The following AKAP13 variants were observed in gnomAD, a reference collection of about 807,000 sequenced individuals.
AKAP13 encodes the protein A-kinase anchoring protein 13.
A neutral mutation model predicts 264.5 loss-of-function variants in AKAP13; 80 were observed. That is an observed-to-expected ratio of 0.30 (90% CI 0.25 to 0.36). The LOEUF (loss-of-function observed/expected upper bound fraction) is 0.36, where lower values mean the gene tolerates loss of function less well. AKAP13 is among the 10% of genes least tolerant of loss of function. AKAP13 has a pLI of 1.00. For missense variants in AKAP13, 3,712 were observed against 3,435.2 expected (o/e 1.08, Z -2.01); for synonymous variants, 1,380 against 1,250.2 (o/e 1.10, Z -2.19).
At chr15:85,548,094 A>T (rs1430578375) in intron 5 of AKAP13, among the ~76,000 whole-genome samples, 1 of 152,212 alleles carries the variant, frequency 6.6e-6, no homozygotes, top group Non-Finnish European at 1.5e-5. Context: ...TCTTACTCAC[A>T]CATCTCAAAG....
chr15:85,431,995 T>C (rs1178927969), intron 1 of AKAP13, among the ~76,000 whole-genome samples: 1 of 152,188 alleles, frequency 6.6e-6, no homozygotes, highest in Non-Finnish European at 1.5e-5. Flanking sequence ...ATGAAAAAGA[T>C]GCCTAATTTC....
intron 8 of AKAP13, among the ~76,000 whole-genome samples, chr15:85,606,149 T>C (rs1195643343): frequency 7.2e-6 from 1 of 139,514 alleles, no homozygotes; most frequent in African/African-American, 2.8e-5. Flanking sequence ...TCACCCAGGC[T>C]GGAGTGCAGT....
intron 33 of AKAP13, among the ~76,000 whole-genome samples, 157 bp from the exon 34 acceptor site, chr15:85,740,065 T>G (rs187024613): frequency 6.6e-6 from 1 of 152,340 alleles, no homozygotes; most frequent in East Asian, 1.9e-4. Flanking sequence ...GGTGCTCACT[T>G]AGTTTCTTTG....
At chr15:85,446,613 T>C (rs1490274051) in intron 1 of AKAP13, among the ~76,000 whole-genome samples, 1 of 152,114 alleles carries the variant, frequency 6.6e-6, no homozygotes, top group Non-Finnish European at 1.5e-5. Flanking sequence ...TGGAAAGATA[T>C]TTGTTGGATG....
intron 12 of AKAP13, among the ~76,000 whole-genome samples, chr15:85,661,006 G>A (rs1215271584): frequency 6.6e-6 from 1 of 152,148 alleles, no homozygotes; most frequent in Non-Finnish European, 1.5e-5. Flanking sequence ...CTTCCCATCT[G>A]CAAGATTCTG....
At chr15:85,652,035 G>A (rs2082879422) in intron 10 of AKAP13, among the ~76,000 whole-genome samples, 1 of 152,180 alleles carries the variant, frequency 6.6e-6, no homozygotes, top group East Asian at 1.9e-4. Flanking sequence ...AAAATAATGA[G>A]TATAAGAATA....
At chr15:85,557,474 G>T (rs1468499129) in intron 5 of AKAP13, among the ~76,000 whole-genome samples, 5 of 151,720 alleles carry the variant, frequency 3.3e-5, no homozygotes, top group East Asian at 1.9e-4. Context: ...GTTAGGTGTG[G>T]TTTTTTTTGT....
chr15:85,543,655 A>C (rs2077641891), intron 4 of AKAP13, 117 bp from the exon 5 acceptor site: 1 of 1,191,714 alleles, frequency 8.4e-7, no homozygotes, highest in Non-Finnish European at 1.2e-6. Context: ...GTTGTAGCTT[A>C]ACTTTACAAT....
intron 20 of AKAP13, among the ~76,000 whole-genome samples, chr15:85,716,318 T>C (rs751184531): frequency 8.5e-5 from 13 of 152,200 alleles, no homozygotes; most frequent in Non-Finnish European, 1.6e-4. Flanking sequence ...CCTGGTTGTT[T>C]TGTTTCTTCT....
At chr15:85,533,432 G>GA in intron 3 of AKAP13, 152 bp from the exon 4 acceptor site, 1 of 654,774 alleles carries the variant, frequency 1.5e-6, no homozygotes, top group Non-Finnish European at 2.3e-6. Flanking sequence ...AAGAAGTTTG[G>GA]AAAAATGCTG....
chr15:85,715,503 A>G (rs1334403592), intron 19 of AKAP13, among the ~76,000 whole-genome samples: 1 of 152,076 alleles, frequency 6.6e-6, no homozygotes, highest in East Asian at 1.9e-4. Context: ...AGTTATCACC[A>G]AACTATCCTC....
At chr15:85,482,647 C>T (rs2075387427) in intron 1 of AKAP13, among the ~76,000 whole-genome samples, 1 of 152,194 alleles carries the variant, frequency 6.6e-6, no homozygotes, top group African/African-American at 2.4e-5. Flanking sequence ...AATCTGGTCT[C>T]TCCAACTTAC....
intron 5 of AKAP13, among the ~76,000 whole-genome samples, chr15:85,553,316 G>T (rs1237744663): frequency 6.6e-6 from 1 of 152,024 alleles, no homozygotes; most frequent in East Asian, 1.9e-4. Context: ...TTGAACTCCT[G>T]ACCTCAGGTG....
At chr15:85,653,271 G>C (rs1177894328) in intron 10 of AKAP13, among the ~76,000 whole-genome samples, 3 of 152,058 alleles carry the variant, frequency 2.0e-5, no homozygotes, top group African/African-American at 7.2e-5. Context: ...GTTCTTACAG[G>C]GTTTTTTAAA....
chr15:85,392,178 T>C (rs531216920), intron 1 of AKAP13, among the ~76,000 whole-genome samples: 3 of 140,652 alleles, frequency 2.1e-5, no homozygotes, highest in African/African-American at 7.9e-5. Flanking sequence ...TGTTTGTGGT[T>C]GCTGATATTA....
chr15:85,726,942 T>C, intron 27 of AKAP13, 124 bp from the exon 28 acceptor site: 2 of 988,392 alleles, frequency 2.0e-6, no homozygotes, highest in South Asian at 3.4e-5. Flanking sequence ...TATCCTAAAG[T>C]AGCCCTTGTT....
At position 85,582,335 on chromosome 15, in the gene AKAP13, A is replaced by G. The variant is rs376976890; in HGVS notation, c.4039+228A>G. Among the ~76,000 whole-genome samples, 28 of 152,286 alleles carry G rather than the reference A, an allele frequency of 1.8e-4. No homozygotes were observed. In the East Asian group the frequency reaches 4.8e-3, roughly 26 times the overall value. On this transcript the variant is annotated intron_variant, in intron 7 of 36. Transcript: ENST00000394518. ...TTACTGCTTGGTTGCTTAAGCTTATAAACACTCCTGTCTCATTCTGGAGTG... is the reference window on the plus strand; with the variant it reads ...TTACTGCTTGGTTGCTTAAGCTTATGAACACTCCTGTCTCATTCTGGAGTG...
chr15:85,579,217 G>A lies in AKAP13; in HGVS notation c.1149G>A (p.Val383=). ...GCGTGGAAAGAAAAGGGGAAGAGGT[G>A]GAGCCAGCACCTATTGTGGACTCTG... ...NKGVERKGEE[V]EPAPIVDSGT... The change falls in exon 7 of 37, where the codon GTG becomes GTA. Residue 383 remains valine, a synonymous_variant. Coordinates refer to ENST00000394518, the MANE Select transcript of AKAP13 (RefSeq NM_007200.5). 6.2e-7 allele frequency: 1 copy of A among 1,614,208 alleles called. No individual in the cohort carries two copies. The highest frequency in any genetic ancestry group is 8.5e-7 in the Non-Finnish European group (1 of 1,180,046).
chr15:85,488,488 C>T (rs1406393544), intron 2 of AKAP13, among the ~76,000 whole-genome samples: 1 of 152,150 alleles, frequency 6.6e-6, no homozygotes, highest in Admixed American at 6.5e-5. Flanking sequence ...CAAATTTATT[C>T]ACTTCTTAAT....
Sources: allele counts gnomAD v4.1 joint callset (sites outside exome capture counted in the v4.1 genomes callset), GRCh38; gene constraint gnomAD v4.1.1; transcripts MANE v1.5; gene names NCBI Gene and HGNC (gene_info 2026-07-23, HGNC 2026-07-21).